PCDHGA9: variants seen among roughly 807,000 people sequenced by gnomAD.
The protein encoded by PCDHGA9 is protocadherin gamma-A9.
A neutral mutation model predicts 62.5 loss-of-function variants in PCDHGA9; 37 were observed. The observed-to-expected ratio is 0.59, with a 90% CI of 0.46 to 0.78. The LOEUF (loss-of-function observed/expected upper bound fraction) is 0.78, where lower values mean the gene tolerates loss of function less well. PCDHGA9 is among the 30% of genes least tolerant of loss of function. PCDHGA9 has a pLI of 0.00. For missense variants in PCDHGA9, 1,138 were observed against 1,166.2 expected, an observed-to-expected ratio of 0.98 and a Z score of 0.35; for synonymous variants, 459 against 484.6, an observed-to-expected ratio of 0.95 and a Z score of 0.69.
intron 1 of PCDHGA9, among the ~76,000 whole-genome samples, chr5:141,456,572 C>T (rs958661783): frequency 6.6e-6 from 1 of 152,168 alleles, no homozygotes; most frequent in Non-Finnish European, 1.5e-5. Flanking sequence ...CCACATTTTC[C>T]CTGAGCCTGT....
intron 1 of PCDHGA9, chr5:141,413,123 A>T: frequency 6.5e-7 from 1 of 1,526,818 alleles, no homozygotes. Flanking sequence ...GAACCGGTTG[A>T]AACACACAAC....
At chr5:141,419,246 GAAAACAACCAGCC>G (rs749331717) in intron 1 of PCDHGA9, 1 of 1,614,004 alleles carries the variant, frequency 6.2e-7, no homozygotes, top group South Asian at 1.1e-5. Flanking sequence ...CCACGTGCCA[GAAAACAACCAGCC>G]GGGTGCCTCC....
chr5:141,491,503 G>C lies in PCDHGA9; in HGVS notation c.2425-3304G>C. On this transcript the variant is annotated intron_variant, in intron 1 of 3. Coordinates refer to ENST00000573521, the MANE Select transcript of PCDHGA9 (RefSeq NM_018921.3). The surrounding 1 kb of genome is among the most constrained non-coding windows in gnomAD (Gnocchi z 6.9). ...CCCCAACCTGCAGGTGAGCTCGGACGGCACGCTCAAGTACATGGAGGTGAC... is the reference window on the plus strand; with the variant it reads ...CCCCAACCTGCAGGTGAGCTCGGACCGCACGCTCAAGTACATGGAGGTGAC... The C allele has an allele frequency of 6.2e-7, 1 of 1,614,030 alleles. No homozygotes were observed.
At chr5:141,464,044 C>T (rs898632465) in intron 1 of PCDHGA9, among the ~76,000 whole-genome samples, 1 of 152,086 alleles carries the variant, frequency 6.6e-6, no homozygotes, top group African/African-American at 2.4e-5. Context: ...GCGGGTGGAT[C>T]ACCTGAGGTC....
Position 141,489,653 on chromosome 5 carries a change from G to A in PCDHGA9, c.2425-5154G>A, listed in dbSNP as rs752269910. 2.0e-5 allele frequency: 33 copies of A among 1,614,164 alleles called. No individual in the cohort carries two copies. In the East Asian group the frequency reaches 4.9e-4, roughly 24 times the overall value. ...TCTCCTAGCTTTGCCACCCCTGAGC[G>A]AGAGATGCGCATCTCAGAATCAGCA... On this transcript the variant is annotated intron_variant, in intron 1 of 3. Transcript: ENST00000573521. This position sits in a 1 kb window ranked among gnomAD's most constrained non-coding sequence, Gnocchi z 4.5.
chr5:141,404,167 G>C lies in PCDHGA9; in HGVS notation c.1215G>C (p.Leu405Phe). The C allele has an allele frequency of 6.2e-7, 1 of 1,612,946 alleles. No individual in the cohort carries two copies. Among genetic ancestry groups the C allele is most frequent in the South Asian group, 1.1e-5 (1 of 90,922 alleles). The change falls in exon 1 of 4, where the codon TTG becomes TTC. Residue 405 changes from leucine (L) to phenylalanine (F), a missense_variant. By Grantham distance (22) the Leu-to-Phe change is conservative. Coordinates refer to ENST00000573521, the MANE Select transcript of PCDHGA9 (RefSeq NM_018921.3). The part of the protein sequence containing the change: ...ENSEEDYYRL[L>F]TAQILDREKA... ...CAGAAGAAGATTATTACAGATTGTTGACGGCCCAAATTCTTGACCGAGAAA... is the reference window on the plus strand; with the variant it reads ...CAGAAGAAGATTATTACAGATTGTTCACGGCCCAAATTCTTGACCGAGAAA...
chr5:141,449,681 G>A (rs2098651836), intron 1 of PCDHGA9, among the ~76,000 whole-genome samples: 1 of 149,394 alleles, frequency 6.7e-6, no homozygotes, highest in Non-Finnish European at 1.5e-5. Context: ...ATGTATATAT[G>A]TTTGTGTGTA....
chr5:141,500,901 G>T (rs984072329), intron 2 of PCDHGA9, among the ~76,000 whole-genome samples: 1 of 144,582 alleles, frequency 6.9e-6, no homozygotes, highest in Non-Finnish European at 1.5e-5. Context: ...AGACAGTCTC[G>T]CTCTGTCTCC....
chr5:141,413,835 CG>C, intron 1 of PCDHGA9: 2 of 1,613,258 alleles, frequency 1.2e-6, no homozygotes, highest in South Asian at 1.1e-5. Context: ...CCGCCTCCGA[CG>C]GGGGTGACCC....
At chr5:141,481,739 G>A (rs1034725934) in intron 1 of PCDHGA9, among the ~76,000 whole-genome samples, 1 of 152,082 alleles carries the variant, frequency 6.6e-6, no homozygotes, top group Non-Finnish European at 1.5e-5. Flanking sequence ...GGATCACGAG[G>A]TCAGGAGTCC....
intron 1 of PCDHGA9, chr5:141,417,252 G>C (rs2096099745): frequency 6.6e-6 from 1 of 152,148 alleles, no homozygotes; most frequent in Admixed American, 6.5e-5. Context: ...AGTACTTCCA[G>C]CTTCATAGAT....
At chr5:141,478,090 C>T in intron 1 of PCDHGA9, 2 of 1,614,108 alleles carry the variant, frequency 1.2e-6, no homozygotes, top group Non-Finnish European at 1.7e-6. Flanking sequence ...CGCTCTCCAC[C>T]ACTGCTACCC....
intron 1 of PCDHGA9, among the ~76,000 whole-genome samples, chr5:141,460,934 G>GTA (rs2099001529): frequency 2.7e-5 from 4 of 149,622 alleles, no homozygotes; most frequent in African/African-American, 9.9e-5. Context: ...ATGTGTGTGT[G>GTA]TATATATATG....
intron 1 of PCDHGA9, chr5:141,412,158 G>A (rs188069449): frequency 1.3e-5 from 2 of 152,324 alleles, no homozygotes; most frequent in East Asian, 3.9e-4. Context: ...CCTAAGAGAA[G>A]AGATTATTTA....
At chr5:141,428,136 G>A in intron 1 of PCDHGA9, 2 of 1,600,778 alleles carry the variant, frequency 1.2e-6, no homozygotes, top group South Asian at 1.1e-5. Flanking sequence ...TTTCAGCCTG[G>A]GGCTGCACAC....
chr5:141,500,189 TTTA>T (rs780229863), intron 2 of PCDHGA9, among the ~76,000 whole-genome samples: 5,656 of 110,928 alleles, frequency 0.051, 122 homozygotes, highest in Middle Eastern at 0.14. Context: ...TTTATTTTTA[TTTA>T]TTTATTTATT....
intron 1 of PCDHGA9, among the ~76,000 whole-genome samples, chr5:141,459,838 A>C (rs944807247): frequency 1.3e-5 from 2 of 152,098 alleles, no homozygotes; most frequent in African/African-American, 4.8e-5. Context: ...TGTGTTGTCT[A>C]TTTGTATATC....
chr5:141,476,747 C>T lies in PCDHGA9; in HGVS notation c.2425-18060C>T. The T allele has an allele frequency of 6.2e-7, 1 of 1,614,066 alleles. No homozygotes were observed. The highest frequency in any genetic ancestry group is 8.5e-7 in the Non-Finnish European group (1 of 1,180,036). On this transcript the variant is annotated intron_variant, in intron 1 of 3. Transcript: ENST00000573521. This position sits in a 1 kb window ranked among gnomAD's most constrained non-coding sequence, Gnocchi z 7.6. The stretch of plus-strand genomic sequence containing the variant: ...GGACCGAGAACGGGAGCCTAGTCTC[C>T]AGTTAGTGCTGACGGCGTTGGACGG...
At chr5:141,474,447 G>A (rs1263877262) in intron 1 of PCDHGA9, among the ~76,000 whole-genome samples, 1 of 152,218 alleles carries the variant, frequency 6.6e-6, no homozygotes, top group Non-Finnish European at 1.5e-5. Flanking sequence ...AGTAGCAAGT[G>A]ATTGGGCTAT....
Sources: gnomAD v4.1 joint callset for allele counts (sites outside exome capture counted in the v4.1 genomes callset) on GRCh38, gnomAD v4.1.1 for gene constraint, Gnocchi (gnomAD v3.1) non-coding constraint, MANE v1.5 for transcripts, NCBI Gene and HGNC (gene_info 2026-07-23, HGNC 2026-07-21) for gene names.